The following DCAF1 variants were observed in gnomAD, a reference collection of about 807,000 sequenced individuals.
The protein encoded by DCAF1 is DDB1 and CUL4 associated factor 1, also known as DDB1- and CUL4-associated factor 1.
Under a neutral mutation model 128.0 loss-of-function variants are expected in DCAF1, and 15 were observed. The observed-to-expected ratio is 0.12, with a 90% CI of 0.08 to 0.18. The LOEUF (loss-of-function observed/expected upper bound fraction) is 0.18. DCAF1 is among the 10% of genes least tolerant of loss of function. The probability of loss-of-function intolerance (pLI) is 1.00; values close to 1 mark genes in which losing one functional copy is unlikely to be tolerated. For synonymous variants in DCAF1, 610 were observed against 603.0 expected, an observed-to-expected ratio of 1.01 and a Z score of -0.17; for missense variants, 988 against 1,649.5, an observed-to-expected ratio of 0.60 and a Z score of 6.95.
intron 1 of DCAF1, among the ~76,000 whole-genome samples, 184 bp downstream of exon 1, chr3:51,499,689 G>A (rs1708643058): frequency 6.6e-6 from 1 of 151,802 alleles, no homozygotes; most frequent in South Asian, 2.1e-4. Context: ...ATCAGGAGGA[G>A]GAAAAGTCCT....
chr3:51,479,429 G>A (rs1182478513), intron 3 of DCAF1, among the ~76,000 whole-genome samples: 2 of 151,930 alleles, frequency 1.3e-5, no homozygotes, highest in Admixed American at 6.6e-5. Flanking sequence ...ACTAAGCCCA[G>A]GAAGTTGAGG....
chr3:51,411,928 C>T (rs539639917), intron 23 of DCAF1, among the ~76,000 whole-genome samples: 9 of 151,750 alleles, frequency 5.9e-5, no homozygotes, highest in South Asian at 4.2e-4. Flanking sequence ...CTGGCCAACA[C>T]GGTGAAACCC....
At chr3:51,437,431 T>C (rs17547726) in intron 9 of DCAF1, 8,374 of 505,984 alleles carry the variant, frequency 0.017, 103 homozygotes, top group Non-Finnish European at 0.026. Context: ...AATGGAGCAA[T>C]GTAGTTGAAT....
chr3:51,455,653 C>T (rs987805855), intron 6 of DCAF1, among the ~76,000 whole-genome samples: 1 of 152,062 alleles, frequency 6.6e-6, no homozygotes, highest in Admixed American at 6.6e-5. Context: ...AATCCCAGCA[C>T]TTTGGGAGGC....
At chr3:51,397,470 T>C (rs2089279202), downstream of DCAF1, 1 of 167,036 alleles carries the variant, frequency 6.0e-6, no homozygotes, top group Non-Finnish European at 1.5e-5. Context: ...GCCGAAATGC[T>C]TTCACTCCTT....
chr3:51,456,413 G>C (rs972489958), intron 6 of DCAF1, among the ~76,000 whole-genome samples: 1 of 152,202 alleles, frequency 6.6e-6, no homozygotes, highest in Non-Finnish European at 1.5e-5. Flanking sequence ...AAAGCAGCCC[G>C]GAAGCTCAAA....
At chr3:51,475,062 C>T (rs1331063965) in intron 3 of DCAF1, among the ~76,000 whole-genome samples, 2 of 151,770 alleles carry the variant, frequency 1.3e-5, no homozygotes, top group Non-Finnish European at 2.9e-5. Context: ...GGATTACAGG[C>T]GTGAGACACT....
At chr3:51,422,120 G>T (rs573813594) in intron 14 of DCAF1, among the ~76,000 whole-genome samples, 187 bp downstream of exon 14, 10 of 146,576 alleles carry the variant, frequency 6.8e-5, no homozygotes, top group South Asian at 2.2e-4. Flanking sequence ...TTGTTTTTTG[G>T]TTTTTTTTTT....
intron 6 of DCAF1, among the ~76,000 whole-genome samples, chr3:51,451,094 TTTTTTTTTTTTA>T (rs1702307131): frequency 8.6e-6 from 1 of 116,658 alleles, no homozygotes; most frequent in African/African-American, 3.4e-5. Context: ...TTTTTTTTTT[TTTTTTTTTTTTA>T]GTGACAAGGT....
chr3:51,478,279 A>G (rs1705728397), intron 3 of DCAF1, among the ~76,000 whole-genome samples: 1 of 152,182 alleles, frequency 6.6e-6, no homozygotes, highest in South Asian at 2.1e-4. Flanking sequence ...TGCTAGGATT[A>G]CAAGTGTGAG....
intron 23 of DCAF1, among the ~76,000 whole-genome samples, chr3:51,405,581 T>C (rs782780471): frequency 3.9e-5 from 6 of 152,220 alleles, no homozygotes; most frequent in Non-Finnish European, 7.4e-5. Context: ...GTCTCTACTT[T>C]GTATTTAATG....
At chr3:51,421,021 T>G (rs782819803) in intron 14 of DCAF1, 24 bp from the exon 15 acceptor site, 1 of 1,584,178 alleles carries the variant, frequency 6.3e-7, no homozygotes, top group Non-Finnish European at 8.6e-7. Context: ...AAATTATGTA[T>G]TATTCACCAT....
At chr3:51,419,703 T>C in intron 15 of DCAF1, 31 bp downstream of exon 15, 1 of 1,560,102 alleles carries the variant, frequency 6.4e-7, no homozygotes, top group Non-Finnish European at 8.7e-7. Flanking sequence ...TCATTCCAAT[T>C]CCCAGGGAGT....
chr3:51,487,892 T>C (rs1707159591), intron 2 of DCAF1, among the ~76,000 whole-genome samples: 1 of 151,780 alleles, frequency 6.6e-6, no homozygotes, highest in Non-Finnish European at 1.5e-5. Context: ...GGAGACGGAG[T>C]CTTGCTCTGT....
intron 3 of DCAF1, among the ~76,000 whole-genome samples, chr3:51,472,113 T>G (rs1030535287): frequency 2.6e-4 from 39 of 152,306 alleles, no homozygotes; most frequent in African/African-American, 9.1e-4. Flanking sequence ...CACAATACCC[T>G]GAATTAAATC....
At chr3:51,419,216 C>A (rs1699172029) in intron 15 of DCAF1, among the ~76,000 whole-genome samples, 1 of 152,024 alleles carries the variant, frequency 6.6e-6, no homozygotes, top group Non-Finnish European at 1.5e-5. Context: ...CAAAAATTAG[C>A]TAGATATGGT....
At chr3:51,440,117 C>T (rs781851877) in intron 9 of DCAF1, 1 of 501,694 alleles carries the variant, frequency 2.0e-6, no homozygotes, top group South Asian at 1.5e-5. Context: ...CACCCCATGT[C>T]TAGATTCACT....
chr3:51,409,593 G>A (rs142648153), intron 23 of DCAF1, among the ~76,000 whole-genome samples: 7 of 152,336 alleles, frequency 4.6e-5, no homozygotes, highest in Non-Finnish European at 1.0e-4. Context: ...ATTCAGAACT[G>A]ATACTTGGTA....
intron 3 of DCAF1, among the ~76,000 whole-genome samples, chr3:51,482,764 C>CA (rs797042469): frequency 0.035 from 1,015 of 29,164 alleles, 13 homozygotes; most frequent in African/African-American, 0.057. Context: ...CACTCCATCT[C>CA]AAAAAAAAAA....
Sources: allele counts gnomAD v4.1 joint callset (sites outside exome capture counted in the v4.1 genomes callset), GRCh38; gene constraint gnomAD v4.1.1; transcripts MANE v1.5; gene names NCBI Gene and HGNC (gene_info 2026-07-23, HGNC 2026-07-21).